UGT2B11: variants seen among roughly 807,000 people sequenced by gnomAD.
The protein encoded by UGT2B11 is UDP glucuronosyltransferase family 2 member B11.
In UGT2B11, 49 loss-of-function variants were observed where a neutral mutation model predicts 51.7. The ratio of observed to expected loss-of-function variants is 0.95; its 90% CI spans 0.75 to 1.20. The LOEUF (loss-of-function observed/expected upper bound fraction) is 1.20. UGT2B11 is among the 50% of genes most tolerant of loss of function. UGT2B11 has a pLI of 0.00. For missense variants in UGT2B11, 810 were observed against 622.1 expected (o/e 1.30, Z -3.21); for synonymous variants, 273 against 209.0 (o/e 1.31, Z -2.64).
the UGT2B11 span, among the ~76,000 whole-genome samples, chr4:69,220,144 C>A: frequency 6.6e-6 from 1 of 152,132 alleles, no homozygotes; most frequent in East Asian, 1.9e-4. Flanking sequence ...GTCCGAAATC[C>A]AGGTAAGGCA....
At chr4:69,220,132 A>T in the UGT2B11 span, among the ~76,000 whole-genome samples, 1 of 152,208 alleles carries the variant, frequency 6.6e-6, no homozygotes, top group Non-Finnish European at 1.5e-5. Flanking sequence ...GGCTCCATGC[A>T]AGTCCGAAAT....
At chr4:69,213,216 C>A (rs1014693960) in intron 1 of UGT2B11, among the ~76,000 whole-genome samples, 7 of 151,602 alleles carry the variant, frequency 4.6e-5, no homozygotes, top group African/African-American at 1.7e-4. Flanking sequence ...ACCAACTATT[C>A]ATTTGGATTT....
At chr4:69,223,034 C>T in the UGT2B11 span, among the ~76,000 whole-genome samples, 5 of 152,124 alleles carry the variant, frequency 3.3e-5, no homozygotes, top group Admixed American at 2.0e-4. Flanking sequence ...TCAGTACTGT[C>T]ACGAAGGGCA....
rs752803858 is a variant in UGT2B11 at position 69,208,465 on chromosome 4, T to C, written c.888A>G (p.Val296=). 4.4e-6 allele frequency: 7 copies of C among 1,608,852 alleles called. No individual in the cohort carries two copies. Among genetic ancestry groups the C allele is most frequent in the East Asian group, 2.2e-5 (1 of 44,732 alleles). ...KPLPKEMEEF[V]QSSGENGVVV... ...CAACACCATTTTCTCCAGAGCTCTG[T>C]ACAAACTCCTCCATTTCCTGTGAAA... The change falls in exon 3 of 6, where the codon GTA becomes GTG. Residue 296 remains valine (V), a synonymous_variant. Coordinates refer to ENST00000446444, the MANE Select transcript of UGT2B11 (RefSeq NM_001073.3).
chr4:69,212,118 T>C (rs1344733765), intron 2 of UGT2B11, among the ~76,000 whole-genome samples: 1 of 151,634 alleles, frequency 6.6e-6, no homozygotes, highest in African/African-American at 2.4e-5. Context: ...TTTTTTGACA[T>C]TGGGTTTTTC....
intron 3 of UGT2B11, among the ~76,000 whole-genome samples, chr4:69,207,430 A>T (rs1721898575): frequency 6.6e-6 from 1 of 151,692 alleles, no homozygotes; most frequent in Non-Finnish European, 1.5e-5. Context: ...AAATACACAA[A>T]GGTCCCTGGT....
chr4:69,220,918 T>C, the UGT2B11 span, among the ~76,000 whole-genome samples: 2 of 152,278 alleles, frequency 1.3e-5, no homozygotes, highest in African/African-American at 4.8e-5. Flanking sequence ...AGAGAGTCGG[T>C]AGCTAATTCC....
chr4:69,218,219 C>T (rs1324203787), upstream of UGT2B11, among the ~76,000 whole-genome samples: 1 of 152,034 alleles, frequency 6.6e-6, no homozygotes, highest in African/African-American at 2.4e-5. Context: ...TTCTTGGAGC[C>T]ACCCAGCATT....
intron 5 of UGT2B11, among the ~76,000 whole-genome samples, chr4:69,203,381 T>A (rs190615328): frequency 6.6e-6 from 1 of 151,718 alleles, no homozygotes; most frequent in Admixed American, 6.6e-5. Context: ...TGTGGAGGAA[T>A]TGGAACCATG....
At chr4:69,204,209 G>A (rs1230651190) in intron 5 of UGT2B11, 2 of 485,400 alleles carry the variant, frequency 4.1e-6, no homozygotes, top group South Asian at 6.6e-5. Context: ...AATTATTTTT[G>A]TTTAGAAAAT....
At chr4:69,210,688 CAT>C (rs1045664855) in intron 2 of UGT2B11, among the ~76,000 whole-genome samples, 60 of 151,502 alleles carry the variant, frequency 4.0e-4, no homozygotes, top group Non-Finnish European at 3.4e-4. Context: ...TGTAGAGTGA[CAT>C]AGATTTTTCA....
At position 69,200,269 on chromosome 4, in the gene UGT2B11, A is replaced by G. The variant is rs764967327; in HGVS notation, c.*171T>C. ...TTTCTAACCATTACCTGGGTGGTAA[A>G]TCTCTGAAAAACAAATTTTTACTTG... On this transcript the variant is annotated 3_prime_UTR_variant, in exon 6 of 6. Coordinates refer to ENST00000446444, the MANE Select transcript of UGT2B11 (RefSeq NM_001073.3). The G allele has an allele frequency of 2.3e-4, 233 of 1,030,564 alleles. 1 individual carries two copies. The highest frequency in any genetic ancestry group is 2.4e-4 in the Non-Finnish European group (190 of 783,560). The allele number at this position is 1,030,564 out of a possible 1,614,324, so 63.8% of individuals were successfully genotyped here.
chr4:69,215,572 G>A (rs557099877), upstream of UGT2B11: 15 of 152,092 alleles, frequency 9.9e-5, no homozygotes, highest in African/African-American at 3.4e-4. Context: ...ATTATGAATA[G>A]CATTGATTAA....
At position 69,200,455 on chromosome 4, in the gene UGT2B11, C is replaced by T. The variant is rs772114451; in HGVS notation, c.1575G>A (p.Lys525=). 4.3e-6 allele frequency: 7 copies of T among 1,610,562 alleles called. No individual in the cohort carries two copies. The African/African-American group carries it at 6.7e-5, about 15-fold the overall frequency. ...CFWKFARKGK[K]GKRD ...TCAGACATAACTAATCTCTTTTTCC[C>T]TTCTTCCCTTTTCTAGCAAACTTCC... The change falls in exon 6 of 6, where the codon AAG becomes AAA. Residue 525 remains lysine (K), a synonymous_variant. Coordinates refer to ENST00000446444, the MANE Select transcript of UGT2B11 (RefSeq NM_001073.3).
intron 2 of UGT2B11, among the ~76,000 whole-genome samples, chr4:69,209,774 G>C (rs1183564469): frequency 1.3e-5 from 2 of 151,406 alleles, no homozygotes; most frequent in Non-Finnish European, 3.0e-5. Context: ...TCATCTCACT[G>C]GCTTGATATC....
At position 69,214,234 on chromosome 4, in the gene UGT2B11, T is replaced by G. The variant is rs1577967297; in HGVS notation, c.489A>C (p.Leu163=). Residue 163 remains leucine (L), a synonymous_variant, in exon 1 of 6, where the codon CTA becomes CTC. Coordinates refer to ENST00000446444, the MANE Select transcript of UGT2B11 (RefSeq NM_001073.3). Reference sequence around the variant, plus strand: ...GACTGTACACAAACCGTATGTTAAGTAGCGCAGCCAGCAGCTCACCACAGG... The same window carrying G: ...GACTGTACACAAACCGTATGTTAAGGAGCGCAGCCAGCAGCTCACCACAGG... The part of the protein sequence containing the change: ...VFPCGELLAA[L]LNIRFVYSLR... 13 of 1,613,180 alleles carry G rather than the reference T, an allele frequency of 8.1e-6. No individual in the cohort carries two copies. The East Asian group carries it at 2.9e-4, about 36-fold the overall frequency.
chr4:69,211,666 C>G (rs1450450664), intron 2 of UGT2B11, among the ~76,000 whole-genome samples: 2 of 151,580 alleles, frequency 1.3e-5, no homozygotes, highest in Admixed American at 1.3e-4. Context: ...AAATGTGGGC[C>G]TAATGATTTC....
Position 69,200,684 on chromosome 4 carries a change from T to A in UGT2B11, c.1346A>T (p.Gln449Leu). 6.2e-7 allele frequency: 1 copy of A among 1,611,688 alleles called. No homozygotes were observed. Among genetic ancestry groups the A allele is most frequent in the Non-Finnish European group, 8.5e-7 (1 of 1,178,648 alleles). Residue 449 changes from glutamine (Q) to leucine (L), a missense_variant, in exon 6 of 6, where the codon CAA (glutamine) becomes CTA (leucine). By Grantham distance (113) the Gln-to-Leu change is moderately radical (BLOSUM62 -2). Transcript: ENST00000446444. ...KENIMKLSRI[Q>L]HDQPVKPLDR... is the part of the protein sequence containing the mutation. Reference sequence around the variant, plus strand: ...CAGGGGCTTTACTGGTTGATCATGTTGAATTCTTGATAATTTCATAATATT... The same window carrying A: ...CAGGGGCTTTACTGGTTGATCATGTAGAATTCTTGATAATTTCATAATATT...
chr4:69,207,225 T>G (rs1471235311), intron 3 of UGT2B11, among the ~76,000 whole-genome samples: 1 of 151,700 alleles, frequency 6.6e-6, no homozygotes, highest in African/African-American at 2.4e-5. Flanking sequence ...ATTAATATGT[T>G]CTGCTATAGC....
Sources: allele counts gnomAD v4.1 joint callset (sites outside exome capture counted in the v4.1 genomes callset), GRCh38; gene constraint gnomAD v4.1.1; transcripts MANE v1.5; gene names NCBI Gene and HGNC (gene_info 2026-07-23, HGNC 2026-07-21).